The following GPC3 variants were observed in gnomAD, a reference collection of about 807,000 sequenced individuals.
The protein encoded by GPC3 is glypican-3.
A neutral mutation model predicts 34.4 loss-of-function variants in GPC3; 3 were observed. The observed-to-expected ratio is 0.09, with a 90% CI of 0.04 to 0.23. GPC3 has a LOEUF of 0.23. Ranked by LOEUF, GPC3 falls within the 10% of genes least tolerant of loss-of-function variation. The pLI is 1.00. For missense variants in GPC3, 351 were observed against 445.6 expected, an observed-to-expected ratio of 0.79 and a Z score of 1.91; for synonymous variants, 177 against 174.0, an observed-to-expected ratio of 1.02 and a Z score of -0.13.
chrX:133,837,062 T>C (rs1371882681), intron 2 of GPC3, among the ~76,000 whole-genome samples: 1 of 111,944 alleles, frequency 8.9e-6, no homozygotes, highest in Non-Finnish European at 1.9e-5. Context: ...ATAATAAATA[T>C]AATGTCACTC....
chrX:133,764,554 A>G (rs1377646182), intron 2 of GPC3, among the ~76,000 whole-genome samples: 1 of 112,071 alleles, frequency 8.9e-6, no homozygotes, highest in African/African-American at 3.2e-5. Flanking sequence ...GGCTACCTTC[A>G]TCATCGCTCA....
At chrX:133,662,056 T>C (rs771495645) in intron 5 of GPC3, among the ~76,000 whole-genome samples, 9 of 111,090 alleles carry the variant, frequency 8.1e-5, no homozygotes, top group South Asian at 7.7e-4. Flanking sequence ...ATGCTTTTTT[T>C]CCCCTAGATG....
rs751037276 is a variant in GPC3 at position 133,682,966 on chromosome X, CAA to C, written c.1292+9401_1292+9402del. Among the ~76,000 whole-genome samples the C allele has an allele frequency of 1.7e-3, 87 of 50,164 alleles. 1 individual carries two copies. Among genetic ancestry groups the C allele is most frequent in the East Asian group, 6.4e-3 (10 of 1,568 alleles). The allele number at this position is 50,164 out of a possible 115,157, so 43.6% of individuals were successfully genotyped here. ...TGGGTGACAGAGCTAGACTCTGACT[CAA>C]AAAAAAAAAAAAAAAAATCCATCTG... On this transcript the variant is annotated intron_variant, in intron 5 of 7. Transcript: ENST00000370818.
chrX:133,886,206 G>A (rs1185055123), intron 2 of GPC3, among the ~76,000 whole-genome samples: 22 of 110,438 alleles, frequency 2.0e-4, no homozygotes. Context: ...AATCTAATCA[G>A]AGATTAGAAC....
chrX:133,631,156 T>C (rs747792042), intron 6 of GPC3, among the ~76,000 whole-genome samples: 1 of 112,029 alleles, frequency 8.9e-6, no homozygotes, highest in South Asian at 3.7e-4. Context: ...CAGTGTACAG[T>C]TCAGTAGTGT....
chrX:133,656,681 G>C (rs772363081), intron 6 of GPC3, among the ~76,000 whole-genome samples: 5 of 111,384 alleles, frequency 4.5e-5, no homozygotes, highest in Non-Finnish European at 9.4e-5. Flanking sequence ...GGTGATAAAT[G>C]CAAAACTGTT....
At position 133,596,475 on chromosome X, in the gene GPC3, A is replaced by T. The variant is rs2069916333; in HGVS notation, c.1538T>A (p.Met513Lys). The T allele has an allele frequency of 1.7e-6, 2 of 1,209,997 alleles. No homozygotes were observed. The highest frequency in any genetic ancestry group is 2.2e-6 in the Non-Finnish European group (2 of 893,962). The change falls in exon 7 of 8, where the codon ATG becomes AAG. Residue 513 changes from methionine (M) to lysine (K), a missense_variant. By Grantham distance (95) the Met-to-Lys change is moderately conservative. Transcript: ENST00000370818. ...GCGGAGCTGATTCTTCACTTTTATC[A>T]TTCCATCACCAGAGCCTCCAATGCA... ...DECIGGSGDGMIKVKNQLRFL... is the reference protein window; with the variant it reads ...DECIGGSGDGKIKVKNQLRFL...
At chrX:133,926,517 T>C (rs1232045746) in intron 2 of GPC3, among the ~76,000 whole-genome samples, 2 of 112,631 alleles carry the variant, frequency 1.8e-5, no homozygotes, top group Non-Finnish European at 3.7e-5. Context: ...CAAATGTGGA[T>C]TATTTGTGAA....
At chrX:133,582,686 T>C (rs2069743586) in intron 7 of GPC3, among the ~76,000 whole-genome samples, 1 of 111,680 alleles carries the variant, frequency 9.0e-6, no homozygotes, top group Non-Finnish European at 1.9e-5. Flanking sequence ...TACAAAGATA[T>C]TGGTCCATGA....
chrX:133,598,072 G>A (rs1331648680), intron 6 of GPC3, among the ~76,000 whole-genome samples: 2 of 112,317 alleles, frequency 1.8e-5, no homozygotes, highest in Non-Finnish European at 3.8e-5. Context: ...TGCCATCTTA[G>A]AAATTATAAC....
chrX:133,971,267 T>C (rs2076491894), intron 1 of GPC3, among the ~76,000 whole-genome samples: 1 of 112,707 alleles, frequency 8.9e-6, no homozygotes, highest in Admixed American at 9.3e-5. Flanking sequence ...TCTATCTGTA[T>C]AGAAAGCTTT....
chrX:133,724,202 A>T (rs1218938971), intron 3 of GPC3, among the ~76,000 whole-genome samples: 2 of 112,025 alleles, frequency 1.8e-5, no homozygotes, highest in Non-Finnish European at 3.8e-5. Flanking sequence ...AGGATCTACA[A>T]CTTCAAAGCC....
intron 2 of GPC3, among the ~76,000 whole-genome samples, chrX:133,840,295 G>A (rs1419577771): frequency 1.8e-5 from 2 of 111,045 alleles, no homozygotes; most frequent in Non-Finnish European, 3.8e-5. Flanking sequence ...AGTGACTTTA[G>A]GCAGTATTAT....
chrX:133,674,192 A>C (rs1417189200), intron 5 of GPC3, among the ~76,000 whole-genome samples: 1 of 110,735 alleles, frequency 9.0e-6, no homozygotes, highest in African/African-American at 3.3e-5. Context: ...GTGTCACTGT[A>C]CTCCAGCCTG....
At chrX:133,619,004 C>A (rs775541339) in intron 6 of GPC3, among the ~76,000 whole-genome samples, 1 of 110,379 alleles carries the variant, frequency 9.1e-6, no homozygotes, top group Non-Finnish European at 1.9e-5. Context: ...AAGGCAAATA[C>A]CCAATTTAAA....
chrX:133,562,809 T>C (rs1229286849), intron 7 of GPC3, among the ~76,000 whole-genome samples: 1 of 110,641 alleles, frequency 9.0e-6, no homozygotes, highest in Non-Finnish European at 1.9e-5. Context: ...ATAGAACCAT[T>C]ATGGGAGTGT....
chrX:133,659,419 TG>T (rs1217933629), intron 6 of GPC3, among the ~76,000 whole-genome samples: 1 of 111,848 alleles, frequency 8.9e-6, no homozygotes, highest in East Asian at 2.8e-4. Context: ...ATCTTTCTTA[TG>T]ACTGCCCCTC....
chrX:133,642,186 C>A (rs1016308672), intron 6 of GPC3, among the ~76,000 whole-genome samples: 1 of 111,677 alleles, frequency 9.0e-6, no homozygotes, highest in African/African-American at 3.3e-5. Flanking sequence ...CCATTGAAAG[C>A]TGAACTTGTG....
At chrX:133,824,832 C>CA (rs1161709503) in intron 2 of GPC3, among the ~76,000 whole-genome samples, 1 of 112,116 alleles carries the variant, frequency 8.9e-6, no homozygotes, top group Non-Finnish European at 1.9e-5. Flanking sequence ...GAAATACTGG[C>CA]AAAAAAATTG....
Sources: allele counts gnomAD v4.1 joint callset (sites outside exome capture counted in the v4.1 genomes callset), GRCh38; gene constraint gnomAD v4.1.1; transcripts MANE v1.5; gene names NCBI Gene and HGNC (gene_info 2026-07-23, HGNC 2026-07-21).